The following MYRFL variants were observed in gnomAD, a reference collection of about 807,000 sequenced individuals.
MYRFL encodes myelin regulatory factor-like protein.
A neutral mutation model predicts 109.4 loss-of-function variants in MYRFL; 88 were observed. That is an observed-to-expected ratio of 0.80 (90% confidence interval 0.68 to 0.96). The LOEUF is 0.96. Ranked by LOEUF, MYRFL falls within the 40% of genes least tolerant of loss-of-function variation. The probability of loss-of-function intolerance (pLI) is 0.00; values close to 1 mark genes in which losing one functional copy is unlikely to be tolerated. For synonymous variants in MYRFL, 324 were observed against 320.9 expected (o/e 1.01, Z -0.10); for missense variants, 957 against 954.9 (o/e 1.00, Z -0.03).
chr12:69,929,547 A>C (rs1462509851), intron 15 of MYRFL, among the ~76,000 whole-genome samples: 1 of 152,256 alleles, frequency 6.6e-6, no homozygotes, highest in Admixed American at 6.5e-5. Context: ...GCTTCCTTGA[A>C]GGATTAGGTG....
chr12:69,850,945 A>G (rs1426278314), intron 1 of MYRFL, among the ~76,000 whole-genome samples: 1 of 152,096 alleles, frequency 6.6e-6, no homozygotes, highest in Non-Finnish European at 1.5e-5. Context: ...TGTTGCCTTT[A>G]TATTGGGAAA....
At chr12:69,846,852 AG>A (rs1463212462) in intron 1 of MYRFL, among the ~76,000 whole-genome samples, 2 of 151,722 alleles carry the variant, frequency 1.3e-5, no homozygotes, top group Non-Finnish European at 1.5e-5. Flanking sequence ...CATCCTCTCC[AG>A]CACCTGTTGT....
chr12:69,952,673 A>G, intron 20 of MYRFL, 126 bp from the exon 21 acceptor site: 1 of 654,460 alleles, frequency 1.5e-6, no homozygotes, highest in Non-Finnish European at 2.5e-6. Flanking sequence ...TTTGAATACA[A>G]ATGGAATCTC....
intron 13 of MYRFL, among the ~76,000 whole-genome samples, chr12:69,911,320 T>C (rs1252713344): frequency 1.3e-5 from 2 of 152,244 alleles, no homozygotes; most frequent in African/African-American, 2.4e-5. Flanking sequence ...AAATGCATTA[T>C]ATTTTAGGTA....
intron 2 of MYRFL, among the ~76,000 whole-genome samples, chr12:69,877,428 G>T: frequency 6.6e-6 from 1 of 152,072 alleles, no homozygotes; most frequent in Non-Finnish European, 1.5e-5. Flanking sequence ...TGGGCTTTTT[G>T]AGTTTTGTTT....
At chr12:69,946,290 G>T (rs899842503) in intron 19 of MYRFL, among the ~76,000 whole-genome samples, 1 of 152,226 alleles carries the variant, frequency 6.6e-6, no homozygotes, top group South Asian at 2.1e-4. Flanking sequence ...TGAAATTTAT[G>T]TTGTGCCTTA....
At chr12:69,860,982 G>A (rs1015653839) in intron 2 of MYRFL, among the ~76,000 whole-genome samples, 116 of 145,748 alleles carry the variant, frequency 8.0e-4, no homozygotes, top group Admixed American at 8.5e-4. Context: ...CCACCTATGA[G>A]CGAGAATATG....
At chr12:69,840,544 T>A (rs1488807748) in intron 1 of MYRFL, among the ~76,000 whole-genome samples, 1 of 152,216 alleles carries the variant, frequency 6.6e-6, no homozygotes, top group Non-Finnish European at 1.5e-5. Flanking sequence ...TGTGCTCCCC[T>A]CTCCTGCCTT....
chr12:69,902,515 G>A (rs1954227422), intron 10 of MYRFL, among the ~76,000 whole-genome samples: 1 of 152,032 alleles, frequency 6.6e-6, no homozygotes. Context: ...GAAAATCTAT[G>A]CATATTCAGG....
intron 5 of MYRFL, among the ~76,000 whole-genome samples, chr12:69,882,325 A>G (rs2136334094): frequency 6.6e-6 from 1 of 152,362 alleles, no homozygotes; most frequent in Middle Eastern, 3.4e-3. Context: ...GAAAGAAAAA[A>G]AAGACACAAA....
chr12:69,828,540 A>G (rs937917840), intron 1 of MYRFL, among the ~76,000 whole-genome samples: 3 of 152,144 alleles, frequency 2.0e-5, no homozygotes, highest in Non-Finnish European at 4.4e-5. Flanking sequence ...TAACGTTTGC[A>G]AAGTTTAAGT....
intron 2 of MYRFL, among the ~76,000 whole-genome samples, chr12:69,869,912 A>C (rs1885240417): frequency 6.6e-6 from 1 of 152,112 alleles, no homozygotes; most frequent in African/African-American, 2.4e-5. Flanking sequence ...ATATCACCTC[A>C]ACTAGCTGGA....
chr12:69,836,858 A>C (rs1442002151), intron 1 of MYRFL, among the ~76,000 whole-genome samples: 3 of 152,190 alleles, frequency 2.0e-5, no homozygotes, highest in African/African-American at 7.2e-5. Context: ...TTTTGTGAAA[A>C]TGTTAGAAAA....
At chr12:69,954,022 T>G (rs755880960) in intron 21 of MYRFL, among the ~76,000 whole-genome samples, 2 of 152,234 alleles carry the variant, frequency 1.3e-5, no homozygotes, top group Non-Finnish European at 1.5e-5. Context: ...ATTATCTCAT[T>G]GAATTCTCAC....
chr12:69,952,175 T>C lies in MYRFL; in HGVS notation c.2287T>C (p.Trp763Arg). 1 of 1,536,060 alleles carries C rather than the reference T, an allele frequency of 6.5e-7. No individual in the cohort carries two copies. The highest frequency in any genetic ancestry group is 8.7e-7 in the Non-Finnish European group (1 of 1,146,814). The change falls in exon 20 of 25, where the codon TGG (tryptophan) becomes CGG (arginine). Residue 763 changes from tryptophan to arginine, a missense_variant and splice_region_variant. Physicochemically the swap from Trp to Arg is moderately radical, Grantham distance 101. Coordinates refer to ENST00000552032, the MANE Select transcript of MYRFL (RefSeq NM_182530.3). ...ALSGPDWESDWIDTTISSIQI... is the reference protein window; with the variant it reads ...ALSGPDWESDRIDTTISSIQI... ...CAGCGGCCCTGACTGGGAGAGTGAC[T>C]GTAAGTTGACATTTAAGTGACACTA... is the stretch of plus-strand genomic sequence containing the variant.
intron 9 of MYRFL, among the ~76,000 whole-genome samples, chr12:69,896,880 C>T (rs1954012038): frequency 6.6e-6 from 1 of 152,198 alleles, no homozygotes; most frequent in South Asian, 2.1e-4. Flanking sequence ...GATGTCTCCG[C>T]AGGGTGGCCT....
At chr12:69,902,784 C>A (rs1258619840) in intron 10 of MYRFL, among the ~76,000 whole-genome samples, 7 of 152,198 alleles carry the variant, frequency 4.6e-5, no homozygotes, top group South Asian at 2.1e-4. Flanking sequence ...TGCAGTGGAA[C>A]ATTCTTTGAC....
At chr12:69,905,038 A>G (rs984874772) in intron 11 of MYRFL, among the ~76,000 whole-genome samples, 3 of 152,178 alleles carry the variant, frequency 2.0e-5, no homozygotes, top group Non-Finnish European at 2.9e-5. Flanking sequence ...GCTGTGACCT[A>G]CTAGCCAGAT....
chr12:69,916,284 C>T (rs1194408000), intron 13 of MYRFL, among the ~76,000 whole-genome samples: 1 of 152,104 alleles, frequency 6.6e-6, no homozygotes, highest in Admixed American at 6.5e-5. Context: ...AGCACTACAT[C>T]AGCTCAGAGG....
Sources: gnomAD v4.1 joint callset for allele counts (sites outside exome capture counted in the v4.1 genomes callset) on GRCh38, gnomAD v4.1.1 for gene constraint, MANE v1.5 for transcripts, NCBI Gene and HGNC (gene_info 2026-07-23, HGNC 2026-07-21) for gene names.